CNTN3: variants seen among roughly 807,000 people sequenced by gnomAD.
The protein encoded by CNTN3 is contactin 3.
A neutral mutation model predicts 119.1 loss-of-function variants in CNTN3; 60 were observed. That is an observed-to-expected ratio of 0.50 (90% CI 0.41 to 0.62). The LOEUF (loss-of-function observed/expected upper bound fraction) is 0.62. Ranked by LOEUF, CNTN3 falls within the 20% of genes least tolerant of loss-of-function variation. CNTN3 has a pLI of 0.00. For synonymous variants in CNTN3, 450 were observed against 438.7 expected (o/e 1.03, Z -0.32); for missense variants, 1,101 against 1,242.4 (o/e 0.89, Z 1.71).
chr3:74,521,471 T>C (rs1370519522), intron 1 of CNTN3, among the ~76,000 whole-genome samples: 2 of 151,356 alleles, frequency 1.3e-5, no homozygotes, highest in African/African-American at 4.8e-5. Context: ...AAAATTTTGC[T>C]AGATAATTTC....
intron 5 of CNTN3, among the ~76,000 whole-genome samples, chr3:74,398,199 T>C (rs951076469): frequency 6.6e-6 from 1 of 152,206 alleles, no homozygotes; most frequent in Non-Finnish European, 1.5e-5. Context: ...TCAAATAGTA[T>C]TGCATGCTAT....
chr3:74,345,202 A>G (rs960099888), intron 11 of CNTN3, among the ~76,000 whole-genome samples: 4 of 152,168 alleles, frequency 2.6e-5, no homozygotes, highest in Non-Finnish European at 5.9e-5. Flanking sequence ...AGAGGGCTTC[A>G]ATTTGCTTTC....
In CNTN3 at chr3:74,324,342, G is replaced by T. The variant is rs1423985402; in HGVS notation, c.1668+10393C>A. Among the ~76,000 whole-genome samples, 3 of 152,022 alleles carry T rather than the reference G, an allele frequency of 2.0e-5. 1 individual carries two copies. Among genetic ancestry groups the T allele is most frequent in the Admixed American group, 1.3e-4 (2 of 15,262 alleles). Reference sequence around the variant, plus strand: ...TTCTCCTGTCTCAGCCTCCCGAGTAGCTGGGAATACAGGTGTGTGCCACCT... The same window carrying T: ...TTCTCCTGTCTCAGCCTCCCGAGTATCTGGGAATACAGGTGTGTGCCACCT... On this transcript the variant is annotated intron_variant, in intron 13 of 22. Coordinates refer to ENST00000263665, the MANE Select transcript of CNTN3 (RefSeq NM_020872.3).
intron 8 of CNTN3, among the ~76,000 whole-genome samples, chr3:74,368,318 G>A (rs1704247511): frequency 6.6e-6 from 1 of 152,046 alleles, no homozygotes; most frequent in Non-Finnish European, 1.5e-5. Flanking sequence ...CCAAGGACGT[G>A]TTGCAAGATG....
chr3:74,393,005 A>T (rs895820064), intron 5 of CNTN3, among the ~76,000 whole-genome samples: 1 of 152,024 alleles, frequency 6.6e-6, no homozygotes, highest in African/African-American at 2.4e-5. Flanking sequence ...TACCTATCTT[A>T]ATTCTTTTCA....
chr3:74,319,977 C>T (rs1454449143), intron 13 of CNTN3, among the ~76,000 whole-genome samples: 1 of 152,176 alleles, frequency 6.6e-6, no homozygotes, highest in Non-Finnish European at 1.5e-5. Context: ...GATACCATCT[C>T]ACACCAGTTA....
chr3:74,405,836 G>A (rs1480939429), intron 5 of CNTN3, among the ~76,000 whole-genome samples: 1 of 152,050 alleles, frequency 6.6e-6, no homozygotes, highest in Non-Finnish European at 1.5e-5. Flanking sequence ...ATTTGTAAAT[G>A]TGTGGGACAC....
chr3:74,569,633 A>C (rs1289127207), intron 1 of CNTN3, among the ~76,000 whole-genome samples: 1 of 152,222 alleles, frequency 6.6e-6, no homozygotes, highest in African/African-American at 2.4e-5. Flanking sequence ...GATTTTTCTT[A>C]AGCTTTGTGT....
chr3:74,501,180 T>C (rs1196722704), intron 2 of CNTN3, among the ~76,000 whole-genome samples: 2 of 151,600 alleles, frequency 1.3e-5, no homozygotes, highest in African/African-American at 4.8e-5. Flanking sequence ...TAGTCTTGCC[T>C]TGGAAACTGG....
chr3:74,426,576 T>C (rs1701699254), intron 4 of CNTN3, among the ~76,000 whole-genome samples: 2 of 152,176 alleles, frequency 1.3e-5, no homozygotes, highest in South Asian at 4.1e-4. Flanking sequence ...ATTAAATTGC[T>C]AGGTTATAAA....
At chr3:74,452,189 A>G (rs1382994613) in intron 4 of CNTN3, among the ~76,000 whole-genome samples, 2 of 141,110 alleles carry the variant, frequency 1.4e-5, no homozygotes, top group African/African-American at 5.4e-5. Flanking sequence ...CTTTTATTTC[A>G]TTGAGCAGTG....
At chr3:74,276,981 A>G (rs937427161) in intron 20 of CNTN3, among the ~76,000 whole-genome samples, 3 of 152,150 alleles carry the variant, frequency 2.0e-5, no homozygotes, top group African/African-American at 7.2e-5. Flanking sequence ...AATACAAAAG[A>G]TCATTCAAGA....
intron 11 of CNTN3, among the ~76,000 whole-genome samples, chr3:74,349,971 C>G (rs1229560692): frequency 1.3e-5 from 2 of 152,292 alleles, no homozygotes; most frequent in East Asian, 3.9e-4. Context: ...CTGCATTCCC[C>G]AAGGAAAATC....
chr3:74,478,806 A>T (rs1194683422), intron 4 of CNTN3, among the ~76,000 whole-genome samples: 1 of 152,146 alleles, frequency 6.6e-6, no homozygotes, highest in Non-Finnish European at 1.5e-5. Flanking sequence ...ACAAAACTAA[A>T]ATGAAACAAC....
intron 1 of CNTN3, among the ~76,000 whole-genome samples, chr3:74,526,553 G>C (rs1025585262): frequency 6.6e-6 from 1 of 151,686 alleles, no homozygotes; most frequent in African/African-American, 2.4e-5. Flanking sequence ...CCCTCCTGCC[G>C]AAAACTGGCC....
chr3:74,311,142 G>A (rs1210383938), intron 13 of CNTN3, among the ~76,000 whole-genome samples: 1 of 152,196 alleles, frequency 6.6e-6, no homozygotes, highest in African/African-American at 2.4e-5. Context: ...GTAAACCAGA[G>A]AAAGAACTCC....
chr3:74,284,232 A>C (rs1702066828), intron 20 of CNTN3, among the ~76,000 whole-genome samples: 1 of 152,210 alleles, frequency 6.6e-6, no homozygotes, highest in Admixed American at 6.5e-5. Flanking sequence ...ATGTTTTCAA[A>C]AAAATTGGAA....
rs115987208 is a variant in CNTN3, at chr3:74,536,448, T to C, written c.-80-15256A>G. Among the ~76,000 whole-genome samples, 901 of 152,210 alleles carry C rather than the reference T, an allele frequency of 5.9e-3. 12 individuals carry two copies. Among genetic ancestry groups the C allele is most frequent in the African/African-American group, 0.021 (853 of 41,554 alleles). On this transcript the variant is annotated intron_variant, in intron 1 of 22. Coordinates refer to ENST00000263665, the MANE Select transcript of CNTN3 (RefSeq NM_020872.3). ...AGTTGACACATTTCAGATCACACAA[T>C]AGTAATCAATGTGGTTTCATTTCCC...
chr3:74,387,310 G>A (rs1704775811), intron 5 of CNTN3, among the ~76,000 whole-genome samples: 3 of 152,106 alleles, frequency 2.0e-5, no homozygotes, highest in Non-Finnish European at 4.4e-5. Flanking sequence ...TATATTTATA[G>A]ACAGAGCAAA....
Sources: allele counts gnomAD v4.1 joint callset (sites outside exome capture counted in the v4.1 genomes callset), GRCh38; gene constraint gnomAD v4.1.1; transcripts MANE v1.5; gene names NCBI Gene and HGNC (gene_info 2026-07-23, HGNC 2026-07-21).